Variants in ANXA8 observed in about 807,000 individuals in gnomAD.
The protein encoded by ANXA8 is VAC-beta.
ANXA8 carries 9 observed loss-of-function variants against 26.8 expected under a neutral mutation model. The ratio of observed to expected loss-of-function variants is 0.34; its 90% CI spans 0.20 to 0.59. The LOEUF (loss-of-function observed/expected upper bound fraction) is 0.59. ANXA8 is among the 20% of genes least tolerant of loss of function. The pLI is 0.84. For synonymous variants in ANXA8, 39 were observed against 94.8 expected (o/e 0.41, Z 3.42); for missense variants, 83 against 238.5 (o/e 0.35, Z 4.29).
chr10:47,693,346 G>C, the ANXA8 span, among the ~76,000 whole-genome samples: 187 of 150,248 alleles, frequency 1.2e-3, 1 homozygote, highest in Admixed American at 0.011. Flanking sequence ...CTAGAGTGCA[G>C]TGGCGCGATG....
the ANXA8 span, among the ~76,000 whole-genome samples, chr10:47,524,253 G>GAAT: frequency 6.8e-6 from 1 of 147,200 alleles, no homozygotes; most frequent in African/African-American, 2.5e-5. Context: ...TTTGCTGTCT[G>GAAT]AATATAGATA....
the ANXA8 span, among the ~76,000 whole-genome samples, chr10:47,716,516 A>G: frequency 1.6e-5 from 2 of 126,676 alleles, no homozygotes; most frequent in African/African-American, 6.8e-5. Flanking sequence ...TAGCATTGTT[A>G]TATCATAAAA....
chr10:47,698,190 AG>A, the ANXA8 span, among the ~76,000 whole-genome samples: 1 of 149,200 alleles, frequency 6.7e-6, no homozygotes, highest in Non-Finnish European at 1.5e-5. Context: ...CTATGTTTCA[AG>A]GCATGTTAAG....
chr10:47,560,192 T>C, the ANXA8 span, among the ~76,000 whole-genome samples: 1 of 151,812 alleles, frequency 6.6e-6, no homozygotes. Context: ...GCTTGCCATT[T>C]GAATGCTTCT....
the ANXA8 span, among the ~76,000 whole-genome samples, chr10:47,548,593 G>C: frequency 2.7e-5 from 4 of 147,792 alleles, no homozygotes; most frequent in African/African-American, 4.9e-5. Context: ...GAGCCACTGT[G>C]TCTGGCCTTT....
chr10:47,957,596 C>T, the ANXA8 span, among the ~76,000 whole-genome samples: 5 of 149,650 alleles, frequency 3.3e-5, no homozygotes, highest in African/African-American at 5.0e-5. Flanking sequence ...TTAGGGCTGC[C>T]GTAACAAATT....
the ANXA8 span, among the ~76,000 whole-genome samples, chr10:47,628,337 A>T: frequency 2.0e-5 from 3 of 152,184 alleles, no homozygotes; most frequent in East Asian, 3.9e-4. Context: ...ATGGTACTAC[A>T]TACATTATAC....
chr10:47,958,526 C>T, the ANXA8 span, among the ~76,000 whole-genome samples: 1 of 147,674 alleles, frequency 6.8e-6, no homozygotes, highest in Non-Finnish European at 1.5e-5. Flanking sequence ...GGGCCACAGA[C>T]AGGCAGGGAG....
At chr10:47,743,409 A>T in the ANXA8 span, among the ~76,000 whole-genome samples, 450 of 91,642 alleles carry the variant, frequency 4.9e-3, 4 homozygotes, top group South Asian at 8.3e-3. Context: ...TGTGTGTGAG[A>T]GAGAGAGAGA....
At chr10:47,721,309 T>C in the ANXA8 span, among the ~76,000 whole-genome samples, 15 of 141,418 alleles carry the variant, frequency 1.1e-4, 5 homozygotes, top group East Asian at 3.9e-3. Flanking sequence ...TACTATTCCT[T>C]ATGGGGAGGA....
At chr10:47,647,935 G>A in the ANXA8 span, among the ~76,000 whole-genome samples, 12 of 151,914 alleles carry the variant, frequency 7.9e-5, no homozygotes, top group Non-Finnish European at 1.0e-4. Flanking sequence ...GGCCACATAC[G>A]GACTTCCTCA....
At chr10:47,622,992 T>A in the ANXA8 span, among the ~76,000 whole-genome samples, 1 of 113,358 alleles carries the variant, frequency 8.8e-6, no homozygotes, top group East Asian at 2.2e-4. Flanking sequence ...CTCCTCTGAG[T>A]CAAAGCCCTT....
chr10:47,528,142 C>T, the ANXA8 span, among the ~76,000 whole-genome samples: 2 of 137,052 alleles, frequency 1.5e-5, no homozygotes, highest in African/African-American at 2.6e-5. Flanking sequence ...TGCAGTGGCA[C>T]GATCTCGGCT....
chr10:47,718,203 G>T, the ANXA8 span, among the ~76,000 whole-genome samples: 7 of 152,216 alleles, frequency 4.6e-5, no homozygotes, highest in East Asian at 1.9e-4. Context: ...AGACACATTG[G>T]CTCAAGCCTG....
the ANXA8 span, among the ~76,000 whole-genome samples, chr10:47,585,680 GAGA>G: frequency 7.2e-6 from 1 of 138,588 alleles, no homozygotes; most frequent in Non-Finnish European, 1.5e-5. Context: ...AGTTTATATT[GAGA>G]AGATTTCCCT....
chr10:47,941,286 C>T, the ANXA8 span, among the ~76,000 whole-genome samples: 7 of 146,556 alleles, frequency 4.8e-5, no homozygotes, highest in South Asian at 4.3e-4. Flanking sequence ...CCTAGAACCA[C>T]CTGTTTTTCT....
the ANXA8 span, among the ~76,000 whole-genome samples, chr10:47,515,831 GT>G: frequency 8.4e-6 from 1 of 118,698 alleles, no homozygotes; most frequent in Non-Finnish European, 1.7e-5. Flanking sequence ...TGAAAAGCTA[GT>G]CAGGCTTCTA....
chr10:47,596,901 T>C, the ANXA8 span, among the ~76,000 whole-genome samples: 1 of 147,942 alleles, frequency 6.8e-6, no homozygotes, highest in Admixed American at 6.6e-5. Context: ...TCCTCTAACT[T>C]ACTCTACAAA....
the ANXA8 span, among the ~76,000 whole-genome samples, chr10:47,749,434 A>G: frequency 6.6e-6 from 1 of 150,952 alleles, no homozygotes; most frequent in South Asian, 2.1e-4. Context: ...TGCACATAGC[A>G]ATAATAATAA....
Sources: gnomAD v4.1 joint callset for allele counts (sites outside exome capture counted in the v4.1 genomes callset) on GRCh38, gnomAD v4.1.1 for gene constraint, MANE v1.5 for transcripts, NCBI Gene and HGNC (gene_info 2026-07-23, HGNC 2026-07-21) for gene names.